LDLRAD4: variants seen among roughly 807,000 people sequenced by gnomAD.
LDLRAD4 encodes low-density lipoprotein receptor class A domain-containing protein 4.
Under a neutral mutation model 17.0 loss-of-function variants are expected in LDLRAD4, and 5 were observed. That is an observed-to-expected ratio of 0.29 (90% CI 0.15 to 0.62). LDLRAD4 has a LOEUF of 0.62. Ranked by LOEUF, LDLRAD4 falls within the 20% of genes least tolerant of loss-of-function variation. The probability of loss-of-function intolerance (pLI) is 0.84; values close to 1 mark genes in which losing one functional copy is unlikely to be tolerated. For missense variants in LDLRAD4, 340 were observed against 424.7 expected (o/e 0.80, Z 1.75); for synonymous variants, 168 against 171.8 (o/e 0.98, Z 0.17).
intron 3 of LDLRAD4, chr18:13,612,165 C>G: frequency 1.0e-6 from 1 of 986,704 alleles, no homozygotes; most frequent in Non-Finnish European, 1.2e-6. Context: ...TCTGTCTGGA[C>G]TGGTTTGATA....
intron 3 of LDLRAD4, among the ~76,000 whole-genome samples, chr18:13,508,519 T>C (rs1384711568): frequency 6.6e-6 from 1 of 152,208 alleles, no homozygotes; most frequent in Non-Finnish European, 1.5e-5. Context: ...GCTGGAGACT[T>C]TAAATTGCAG....
At chr18:13,342,059 ACTC>A (rs1236766908) in intron 1 of LDLRAD4, among the ~76,000 whole-genome samples, 1 of 151,682 alleles carries the variant, frequency 6.6e-6, no homozygotes, top group Non-Finnish European at 1.5e-5. Flanking sequence ...CACATGTTGA[ACTC>A]CTTGCATTCC....
intron 1 of LDLRAD4, among the ~76,000 whole-genome samples, chr18:13,325,967 C>A (rs570147901): frequency 6.6e-6 from 1 of 152,094 alleles, no homozygotes; most frequent in Non-Finnish European, 1.5e-5. Flanking sequence ...CGGGGTTTCA[C>A]TGTATTAGCC....
intron 2 of LDLRAD4, among the ~76,000 whole-genome samples, chr18:13,418,419 C>T (rs1035222354): frequency 1.3e-5 from 2 of 152,226 alleles, no homozygotes; most frequent in African/African-American, 2.4e-5. Flanking sequence ...AAGCCTCTTC[C>T]GGGTCGTTCT....
At chr18:13,379,681 G>T (rs2145053930) in intron 1 of LDLRAD4, among the ~76,000 whole-genome samples, 1 of 152,356 alleles carries the variant, frequency 6.6e-6, no homozygotes, top group South Asian at 2.1e-4. Flanking sequence ...GAGCAGGGAA[G>T]ACTGTGGGCC....
chr18:13,295,009 A>G (rs2046193887), intron 1 of LDLRAD4, among the ~76,000 whole-genome samples: 1 of 152,092 alleles, frequency 6.6e-6, no homozygotes, highest in African/African-American at 2.4e-5. Context: ...CAAGCGCAAT[A>G]AAGGTCATGC....
At position 13,649,721 on chromosome 18, in the gene LDLRAD4, A is replaced by T. The variant is rs558960719; in HGVS notation, c.*4064A>T. ...TTTGTGTACCATTCATTTTTTAAAA[A>T]TTTTCCAAAGCTCGGCAGTGTATGA... On this transcript the variant is annotated 3_prime_UTR_variant, in exon 6 of 6. Coordinates refer to ENST00000359446, the Ensembl canonical transcript of LDLRAD4. 11 of 244,434 alleles carry T rather than the reference A, an allele frequency of 4.5e-5. No individual in the cohort carries two copies. The South Asian group carries it at 8.8e-4, about 20-fold the overall frequency. The allele number at this position is 244,434 out of a possible 1,614,324, so 15.1% of individuals were successfully genotyped here.
At chr18:13,336,391 T>C (rs987179226) in intron 1 of LDLRAD4, among the ~76,000 whole-genome samples, 1 of 152,244 alleles carries the variant, frequency 6.6e-6, no homozygotes, top group Non-Finnish European at 1.5e-5. Flanking sequence ...GATTTAAATC[T>C]CCTTGTATTT....
At chr18:13,512,463 G>T (rs2093797546) in intron 3 of LDLRAD4, among the ~76,000 whole-genome samples, 1 of 152,084 alleles carries the variant, frequency 6.6e-6, no homozygotes, top group Non-Finnish European at 1.5e-5. Flanking sequence ...TTACAATGTG[G>T]GTGTTGAGTT....
At chr18:13,638,156 A>T (rs952903420) in intron 4 of LDLRAD4, among the ~76,000 whole-genome samples, 1 of 152,164 alleles carries the variant, frequency 6.6e-6, no homozygotes, top group African/African-American at 2.4e-5. Flanking sequence ...CTGTAGTCCC[A>T]GCTATCCGGG....
intron 1 of LDLRAD4, among the ~76,000 whole-genome samples, chr18:13,231,681 G>C (rs1326728865): frequency 6.6e-6 from 1 of 152,116 alleles, no homozygotes; most frequent in East Asian, 1.9e-4. Flanking sequence ...TATCACTTTC[G>C]CATGGGAATA....
At chr18:13,628,915 C>G (rs970586092) in intron 4 of LDLRAD4, among the ~76,000 whole-genome samples, 1 of 152,196 alleles carries the variant, frequency 6.6e-6, no homozygotes, top group African/African-American at 2.4e-5. Context: ...ACTGCAGCCT[C>G]GAACATTTAG....
chr18:13,430,435 C>T (rs1476140519), intron 2 of LDLRAD4, among the ~76,000 whole-genome samples: 1 of 152,148 alleles, frequency 6.6e-6, no homozygotes, highest in Non-Finnish European at 1.5e-5. Flanking sequence ...TTATTTAAAC[C>T]CTGCAGATTG....
chr18:13,367,373 G>A lies in LDLRAD4; in HGVS notation c.-382-19968G>A, dbSNP rs549533408. The stretch of plus-strand genomic sequence containing the variant: ...TGAGGTCCCGCTGTGCAGAACACAC[G>A]GGGACTGGCAGGCAGGAAAGGGGGC... On this transcript the variant is annotated intron_variant, in intron 1 of 5. Coordinates refer to ENST00000359446, the Ensembl canonical transcript of LDLRAD4. The surrounding 1 kb of genome is among the most constrained non-coding windows in gnomAD (Gnocchi z 4.1). 1.8e-4 allele frequency among the ~76,000 whole-genome samples: 27 copies of A among 152,270 alleles called. No homozygotes were observed. In the East Asian group the frequency reaches 4.6e-3, roughly 26 times the overall value.
intron 2 of LDLRAD4, among the ~76,000 whole-genome samples, chr18:13,413,931 G>C (rs933447091): frequency 2.0e-5 from 3 of 152,046 alleles, no homozygotes; most frequent in Admixed American, 1.3e-4. Context: ...TTAAATCACT[G>C]GGAAAAGAAA....
intron 3 of LDLRAD4, among the ~76,000 whole-genome samples, chr18:13,537,800 G>C (rs1395999899): frequency 6.6e-6 from 1 of 152,168 alleles, no homozygotes; most frequent in Admixed American, 6.5e-5. Flanking sequence ...GTGTATGTGT[G>C]TGTGTGAGAA....
chr18:13,464,326 T>G (rs1252101360), intron 3 of LDLRAD4, among the ~76,000 whole-genome samples: 1 of 152,242 alleles, frequency 6.6e-6, no homozygotes, highest in African/African-American at 2.4e-5. Context: ...TAGGGATGTG[T>G]TTACATTGCT....
At chr18:13,468,105 AG>A (rs774204928) in intron 3 of LDLRAD4, among the ~76,000 whole-genome samples, 3 of 151,516 alleles carry the variant, frequency 2.0e-5, no homozygotes, top group Non-Finnish European at 4.4e-5. Context: ...TAACACCCAA[AG>A]TATGAACAAC....
intron 1 of LDLRAD4, among the ~76,000 whole-genome samples, chr18:13,227,148 G>C (rs946981480): frequency 6.6e-6 from 1 of 152,166 alleles, no homozygotes; most frequent in Admixed American, 6.5e-5. Context: ...CTCTGCAAAT[G>C]TGCTAAAGTT....
Sources: allele counts gnomAD v4.1 joint callset (sites outside exome capture counted in the v4.1 genomes callset), GRCh38; gene constraint gnomAD v4.1.1; non-coding constraint Gnocchi (gnomAD v3.1); transcripts MANE v1.5; gene names NCBI Gene and HGNC (gene_info 2026-07-23, HGNC 2026-07-21).